KCNU1: variants seen among roughly 807,000 people sequenced by gnomAD.
KCNU1 encodes the protein potassium calcium-activated channel subfamily U member 1.
In KCNU1, 93 loss-of-function variants were observed where a neutral mutation model predicts 126.8. The ratio of observed to expected loss-of-function variants is 0.73; its 90% CI spans 0.62 to 0.87. The LOEUF (loss-of-function observed/expected upper bound fraction) is 0.87. Ranked by LOEUF, KCNU1 falls within the 40% of genes least tolerant of loss-of-function variation. The probability of loss-of-function intolerance (pLI) is 0.00; values close to 1 mark genes in which losing one functional copy is unlikely to be tolerated. For synonymous variants in KCNU1, 523 were observed against 494.2 expected (o/e 1.06, Z -0.77); for missense variants, 1,330 against 1,367.1 (o/e 0.97, Z 0.43).
Position 36,784,379 on chromosome 8 carries a change from A to T in KCNU1, c.-32A>T. 1.3e-6 allele frequency: 2 copies of T among 1,565,170 alleles called. No homozygotes were observed. The highest frequency in any genetic ancestry group is 1.7e-6 in the Non-Finnish European group (2 of 1,146,198). ...CAGGCGACCACGGCGTCATCAAATG[A>T]CCTGGCAATTCCGTCTACTGATGTC... On this transcript the variant is annotated 5_prime_UTR_variant, in exon 1 of 27. Coordinates refer to ENST00000399881, the MANE Select transcript of KCNU1 (RefSeq NM_001031836.3).
intron 2 of KCNU1, among the ~76,000 whole-genome samples, chr8:36,803,271 A>G (rs985851793): frequency 6.6e-5 from 10 of 152,248 alleles, no homozygotes; most frequent in African/African-American, 2.4e-4. Context: ...AATGAAATCC[A>G]GAGTTTCATT....
chr8:36,855,571 G>C (rs911512155), intron 18 of KCNU1, among the ~76,000 whole-genome samples: 2 of 152,086 alleles, frequency 1.3e-5, no homozygotes, highest in Non-Finnish European at 2.9e-5. Context: ...GATGAAACTA[G>C]TGTAAATTAA....
chr8:36,841,034 GTTTTTTTTTT>G (rs756308750), intron 16 of KCNU1, 31 bp downstream of exon 16: 3 of 564,674 alleles, frequency 5.3e-6, no homozygotes, highest in East Asian at 3.7e-5. Context: ...CTCTTCAGTT[GTTTTTTTTTT>G]TTTTTTTTTT....
chr8:36,838,696 C>CA (rs1034124403), intron 14 of KCNU1, among the ~76,000 whole-genome samples: 1 of 150,948 alleles, frequency 6.6e-6, no homozygotes, highest in African/African-American at 2.4e-5. Flanking sequence ...GACTCTGTCT[C>CA]AAAAAAACCA....
intron 2 of KCNU1, among the ~76,000 whole-genome samples, chr8:36,792,711 T>C (rs1802947591): frequency 6.6e-6 from 1 of 152,206 alleles, no homozygotes; most frequent in African/African-American, 2.4e-5. Context: ...AAATGCTGTC[T>C]ATAGATTTCA....
At chr8:36,905,846 A>G (rs759497073) in intron 20 of KCNU1, 42 bp downstream of exon 20, 8 of 919,324 alleles carry the variant, frequency 8.7e-6, no homozygotes, top group Middle Eastern at 2.2e-4. Flanking sequence ...AAGATAAAGC[A>G]TTTCGTAGGG....
chr8:36,808,534 G>A (rs909193862), intron 6 of KCNU1, among the ~76,000 whole-genome samples, 184 bp from the exon 7 acceptor site: 3 of 152,048 alleles, frequency 2.0e-5, no homozygotes, highest in African/African-American at 4.8e-5. Flanking sequence ...AGAGAATCTT[G>A]TACCAATGCA....
At chr8:36,897,869 C>T (rs929125535) in intron 19 of KCNU1, among the ~76,000 whole-genome samples, 1 of 152,056 alleles carries the variant, frequency 6.6e-6, no homozygotes, top group Non-Finnish European at 1.5e-5. Context: ...TAAAAATAGC[C>T]ATTGTGTAAC....
chr8:36,899,020 A>G (rs541996237), intron 19 of KCNU1, among the ~76,000 whole-genome samples: 1 of 152,254 alleles, frequency 6.6e-6, no homozygotes, highest in East Asian at 1.9e-4. Flanking sequence ...CATCTGCAGA[A>G]TGGGTGAGAA....
intron 18 of KCNU1, among the ~76,000 whole-genome samples, chr8:36,857,804 T>C (rs9297246): frequency 0.4 from 60,670 of 151,418 alleles, 12,257 homozygotes; most frequent in Admixed American, 0.45. Flanking sequence ...TGCCACCACA[T>C]GCAGCTAATT....
chr8:36,878,030 C>A (rs1806336232), intron 19 of KCNU1, among the ~76,000 whole-genome samples: 1 of 152,112 alleles, frequency 6.6e-6, no homozygotes. Context: ...ACTCTAAATA[C>A]CCCAGATTAC....
Position 36,798,450 on chromosome 8 carries a change from A to G in KCNU1, c.316-5577A>G, listed in dbSNP as rs189178466. 1.1e-4 allele frequency among the ~76,000 whole-genome samples: 17 copies of G among 152,334 alleles called. No individual in the cohort carries two copies. In the East Asian group the frequency reaches 3.1e-3, roughly 28 times the overall value. ...CTGTCCTTTGTGGGGGAATATTTGC[A>G]TCTGTAAAGAATCTCTATTAACATA... On this transcript the variant is annotated intron_variant, in intron 2 of 26. Coordinates refer to ENST00000399881, the MANE Select transcript of KCNU1 (RefSeq NM_001031836.3).
chr8:36,862,619 T>C (rs1168653120), intron 18 of KCNU1, among the ~76,000 whole-genome samples: 2 of 152,132 alleles, frequency 1.3e-5, no homozygotes, highest in Non-Finnish European at 2.9e-5. Flanking sequence ...ATAAAAGTCA[T>C]TAATGTGTTT....
chr8:36,830,367 T>G (rs1804490690), intron 10 of KCNU1, among the ~76,000 whole-genome samples: 1 of 152,048 alleles, frequency 6.6e-6, no homozygotes. Context: ...GGGTTAAAAA[T>G]ATTATCTTCT....
rs767440917 is a variant in KCNU1 at position 36,845,662 on chromosome 8, G to A, written c.1786G>A (p.Val596Ile). 8 of 1,599,484 alleles carry A rather than the reference G, an allele frequency of 5.0e-6. No homozygotes were observed. The East Asian group carries it at 6.7e-5, about 13-fold the overall frequency. Residue 596 changes from valine (V) to isoleucine (I), a missense_variant, in exon 17 of 27, where the codon GTC (valine) becomes ATC (isoleucine). Coordinates refer to ENST00000399881, the MANE Select transcript of KCNU1 (RefSeq NM_001031836.3). ...GFFIAETPKD[V>I]RRALFYCSVC... is the part of the protein sequence containing the mutation. ...CTTTATTGCTGAAACTCCAAAGGAC[G>A]TCAGAAGGTAATTTTATTATTTTAT...
At chr8:36,842,496 T>C (rs1014214199) in intron 16 of KCNU1, among the ~76,000 whole-genome samples, 1 of 152,196 alleles carries the variant, frequency 6.6e-6, no homozygotes, top group African/African-American at 2.4e-5. Flanking sequence ...CCTCTGAATG[T>C]AAACATCTGC....
At chr8:36,820,102 G>C (rs1360335023) in intron 10 of KCNU1, among the ~76,000 whole-genome samples, 1 of 152,124 alleles carries the variant, frequency 6.6e-6, no homozygotes, top group East Asian at 1.9e-4. Flanking sequence ...AGCCACTTTG[G>C]ACATTCCAGC....
chr8:36,833,299 A>C (rs1804622158), intron 10 of KCNU1, among the ~76,000 whole-genome samples: 1 of 152,170 alleles, frequency 6.6e-6, no homozygotes, highest in Admixed American at 6.6e-5. Context: ...TCTTATATTT[A>C]AAAGCCATTT....
At chr8:36,793,652 A>G (rs1802983995) in intron 2 of KCNU1, among the ~76,000 whole-genome samples, 1 of 152,222 alleles carries the variant, frequency 6.6e-6, no homozygotes, top group Non-Finnish European at 1.5e-5. Context: ...GGCATTAAGC[A>G]GTAATTACTA....
Sources: gnomAD v4.1 joint callset for allele counts (sites outside exome capture counted in the v4.1 genomes callset) on GRCh38, gnomAD v4.1.1 for gene constraint, MANE v1.5 for transcripts, NCBI Gene and HGNC (gene_info 2026-07-23, HGNC 2026-07-21) for gene names.